Variants in SPTLC1 observed in about 807,000 individuals in gnomAD.
The protein encoded by SPTLC1 is serine palmitoyltransferase long chain base subunit 1.
In SPTLC1, 55 loss-of-function variants were observed where a neutral mutation model predicts 68.9. The ratio of observed to expected loss-of-function variants is 0.80; its 90% confidence interval spans 0.64 to 1.00. The LOEUF (loss-of-function observed/expected upper bound fraction) is 1.00, where lower values mean the gene tolerates loss of function less well. Among genes scored for constraint, SPTLC1 ranks in the 50% least tolerant of loss-of-function variants. The pLI is 0.00. For synonymous variants in SPTLC1, 197 were observed against 201.6 expected (o/e 0.98, Z 0.19); for missense variants, 449 against 573.1 (o/e 0.78, Z 2.21).
chr9:92,081,179 A>G (rs1184280995), intron 3 of SPTLC1, among the ~76,000 whole-genome samples: 1 of 152,208 alleles, frequency 6.6e-6, no homozygotes, highest in African/African-American at 2.4e-5. Context: ...TACCTGTACT[A>G]TGAAAATAAA....
intron 3 of SPTLC1, among the ~76,000 whole-genome samples, chr9:92,096,275 G>C (rs1835525280): frequency 6.6e-6 from 1 of 152,068 alleles, no homozygotes; most frequent in Non-Finnish European, 1.5e-5. Context: ...AAGCCCCTCA[G>C]TCAAAAAGCC....
intron 7 of SPTLC1, among the ~76,000 whole-genome samples, chr9:92,057,576 T>A (rs1481245124): frequency 6.6e-6 from 1 of 152,252 alleles, no homozygotes; most frequent in Non-Finnish European, 1.5e-5. Flanking sequence ...GAGGCCAGGC[T>A]ATTTTTCACT....
chr9:92,081,821 C>A (rs1321728802), intron 3 of SPTLC1, among the ~76,000 whole-genome samples: 6 of 152,138 alleles, frequency 3.9e-5, no homozygotes, highest in African/African-American at 1.4e-4. Context: ...CTGGGTTGCT[C>A]TATAAAATGC....
intron 12 of SPTLC1, among the ~76,000 whole-genome samples, chr9:92,040,361 ACT>A (rs1833298285): frequency 6.6e-6 from 1 of 151,904 alleles, no homozygotes; most frequent in Non-Finnish European, 1.5e-5. Context: ...CAAAAGCAAG[ACT>A]CTGTCTCAAA....
chr9:92,052,542 T>C (rs2118489955), intron 8 of SPTLC1, among the ~76,000 whole-genome samples: 1 of 152,094 alleles, frequency 6.6e-6, no homozygotes, highest in South Asian at 2.1e-4. Flanking sequence ...TTATTTTTTT[T>C]TTTTTGAGAC....
chr9:92,090,561 G>C (rs928200716), intron 3 of SPTLC1, among the ~76,000 whole-genome samples: 1 of 151,864 alleles, frequency 6.6e-6, no homozygotes, highest in Non-Finnish European at 1.5e-5. Flanking sequence ...GCAGTGAGCT[G>C]AGACGGTGCC....
At chr9:92,114,819 G>T (rs1458161401) in intron 1 of SPTLC1, 1 of 166,648 alleles carries the variant, frequency 6.0e-6, no homozygotes, top group East Asian at 1.6e-4. Flanking sequence ...GTACGCAGAA[G>T]AATGACAAAC....
intron 13 of SPTLC1, among the ~76,000 whole-genome samples, chr9:92,035,455 T>A (rs190902399): frequency 6.6e-6 from 1 of 152,224 alleles, no homozygotes; most frequent in African/African-American, 2.4e-5. Context: ...TAACCATCTG[T>A]CAACATTAAG....
At chr9:92,104,884 T>C (rs1835899381) in intron 3 of SPTLC1, 21 of 1,533,812 alleles carry the variant, frequency 1.4e-5, no homozygotes, top group Middle Eastern at 2.3e-4. Flanking sequence ...CCCAGGTGCA[T>C]GCAGTGAGTT....
rs377744161 is a variant in SPTLC1 at position 92,047,870 on chromosome 9, C to T, written c.889-162G>A. On this transcript the variant is annotated intron_variant, in intron 9 of 14. Coordinates refer to ENST00000262554, the MANE Select transcript of SPTLC1 (RefSeq NM_006415.4). ...AAAAAATAAACCATATAACATCTAT[C>T]GCTGAATGAACTGTAGTCTCATGGC... Among the ~76,000 whole-genome samples, 87 of 152,298 alleles carry T rather than the reference C, an allele frequency of 5.7e-4. 1 individual carries two copies. In the South Asian group the frequency reaches 0.017, roughly 30 times the overall value.
At chr9:92,047,589 C>T (rs1263696458) in intron 10 of SPTLC1, 24 bp downstream of exon 10, 3 of 1,509,258 alleles carry the variant, frequency 2.0e-6, no homozygotes, top group Non-Finnish European at 2.8e-6. Context: ...TCAGTTTTAG[C>T]TCCTGTTTTT....
At chr9:92,050,810 G>GTTTTTTTTTTT (rs1564088122) in intron 8 of SPTLC1, 8 of 72,252 alleles carry the variant, frequency 1.1e-4, no homozygotes, top group African/African-American at 3.9e-4. Context: ...GCACAATACT[G>GTTTTTTTTTTT]ATTTTTTTTT....
intron 11 of SPTLC1, 106 bp from the exon 12 acceptor site, chr9:92,046,159 A>C: frequency 1.0e-6 from 1 of 969,546 alleles, no homozygotes; most frequent in Non-Finnish European, 1.6e-6. Context: ...AAAATGCTAC[A>C]AATCCTTCTA....
At chr9:92,108,198 A>T (rs1346891752) in intron 3 of SPTLC1, 1 of 158,870 alleles carries the variant, frequency 6.3e-6, no homozygotes, top group African/African-American at 2.4e-5. Flanking sequence ...GTATTTCTTA[A>T]TTAATGAAAA....
intron 3 of SPTLC1, among the ~76,000 whole-genome samples, chr9:92,082,298 G>C (rs1204351691): frequency 1.3e-5 from 2 of 151,740 alleles, no homozygotes; most frequent in African/African-American, 4.9e-5. Context: ...GTGCAGGTTA[G>C]TTACATATCT....
intron 3 of SPTLC1, among the ~76,000 whole-genome samples, chr9:92,089,897 A>G (rs1406497827): frequency 1.3e-5 from 2 of 152,236 alleles, no homozygotes; most frequent in African/African-American, 4.8e-5. Context: ...CAGTCTCCCC[A>G]TAACACAGGC....
chr9:92,081,442 C>T (rs1025554314), intron 3 of SPTLC1, among the ~76,000 whole-genome samples: 3 of 152,108 alleles, frequency 2.0e-5, no homozygotes, highest in African/African-American at 7.2e-5. Flanking sequence ...GGATATGTTC[C>T]CAATGTCTAA....
At chr9:92,114,613 T>C (rs1836369820) in intron 1 of SPTLC1, among the ~76,000 whole-genome samples, 1 of 151,796 alleles carries the variant, frequency 6.6e-6, no homozygotes, top group Non-Finnish European at 1.5e-5. Flanking sequence ...CACATGCCTG[T>C]AATCTCAGCT....
chr9:92,050,156 C>G (rs773623482), intron 8 of SPTLC1, 89 bp from the exon 9 acceptor site: 18 of 837,068 alleles, frequency 2.2e-5, no homozygotes, highest in Non-Finnish European at 3.3e-5. Context: ...AAAGTATGTA[C>G]AGCTGACTCT....
Sources: allele counts gnomAD v4.1 joint callset (sites outside exome capture counted in the v4.1 genomes callset), GRCh38; gene constraint gnomAD v4.1.1; transcripts MANE v1.5; gene names NCBI Gene and HGNC (gene_info 2026-07-23, HGNC 2026-07-21).